The following GRIK4 variants were observed in gnomAD, a reference collection of about 807,000 sequenced individuals.
The protein encoded by GRIK4 is glutamate receptor ionotropic, kainate 4.
Under a neutral mutation model 104.9 loss-of-function variants are expected in GRIK4, and 40 were observed. The observed-to-expected ratio is 0.38, with a 90% CI of 0.30 to 0.50. GRIK4 has a LOEUF of 0.50. GRIK4 is among the 20% of genes least tolerant of loss of function. The pLI is 0.93. For synonymous variants in GRIK4, 485 were observed against 524.9 expected (o/e 0.92, Z 1.04); for missense variants, 1,047 against 1,308.1 (o/e 0.80, Z 3.08).
intron 1 of GRIK4, among the ~76,000 whole-genome samples, chr11:120,534,737 A>G (rs748079562): frequency 1.3e-5 from 2 of 152,168 alleles, no homozygotes; most frequent in Non-Finnish European, 2.9e-5. Context: ...GCAGAAGAGC[A>G]TTGGACAGGT....
chr11:120,839,165 T>G (rs12223620), intron 8 of GRIK4, among the ~76,000 whole-genome samples: 47,453 of 152,062 alleles, frequency 0.31, 8,634 homozygotes, highest in East Asian at 0.49. Flanking sequence ...TCCAGTCCCT[T>G]CTCCCCAATA....
chr11:120,652,501 C>T (rs2135220936), intron 1 of GRIK4, among the ~76,000 whole-genome samples: 1 of 152,354 alleles, frequency 6.6e-6, no homozygotes, highest in South Asian at 2.1e-4. Flanking sequence ...ACTCCCCTGT[C>T]ATGGCCACCC....
rs191798083 is a variant in GRIK4, at chr11:120,529,551, T to G, written c.-159+17664T>G. Among the ~76,000 whole-genome samples the G allele has an allele frequency of 7.2e-5, 11 of 152,330 alleles. No homozygotes were observed. The East Asian group carries it at 1.7e-3, about 24-fold the overall frequency. On this transcript the variant is annotated intron_variant, in intron 1 of 20. Transcript: ENST00000527524. ...CAGAGATGCAGCCTAATAGTGTCTCTTAGATGTCCTTGGATAGTCACACAT... is the reference window on the plus strand; with the variant it reads ...CAGAGATGCAGCCTAATAGTGTCTCGTAGATGTCCTTGGATAGTCACACAT...
chr11:120,787,142 A>G (rs1591913255), intron 3 of GRIK4, among the ~76,000 whole-genome samples: 1 of 135,930 alleles, frequency 7.4e-6, no homozygotes, highest in Admixed American at 7.1e-5. Flanking sequence ...ACATAGTAGG[A>G]CTCTTTTTTT....
intron 14 of GRIK4, among the ~76,000 whole-genome samples, chr11:120,948,268 A>T (rs555866038): frequency 6.6e-6 from 1 of 152,346 alleles, no homozygotes; most frequent in Admixed American, 6.5e-5. Context: ...ATAAATTGCC[A>T]TTTAGTTCTA....
intron 3 of GRIK4, among the ~76,000 whole-genome samples, chr11:120,705,342 C>A (rs1950611796): frequency 6.6e-6 from 1 of 151,858 alleles, no homozygotes; most frequent in Non-Finnish European, 1.5e-5. Context: ...TTTTCTGCCT[C>A]AGCCTCCCAG....
intron 8 of GRIK4, among the ~76,000 whole-genome samples, chr11:120,856,911 C>G (rs1283041074): frequency 2.0e-5 from 3 of 152,138 alleles, no homozygotes; most frequent in Non-Finnish European, 4.4e-5. Flanking sequence ...CTGCTTAGCC[C>G]AGCTGAACAT....
At position 120,987,919 on chromosome 11, in the gene GRIK4, ACCACCT is replaced by A. The variant is rs1312618196; in HGVS notation, c.*1671_*1676del. 6.5e-6 allele frequency: 1 copy of A among 152,930 alleles called. No homozygotes were observed. The highest frequency in any genetic ancestry group is 1.5e-5 in the Non-Finnish European group (1 of 68,126). 9.5% of individuals were successfully genotyped at this position (152,930 alleles called of 1,614,324 possible). On this transcript the variant is annotated 3_prime_UTR_variant, in exon 21 of 21. Coordinates refer to ENST00000527524, the MANE Select transcript of GRIK4 (RefSeq NM_014619.5). ...AGAGAGAAACAAACAGCCGCTACCAACCACCTCCACCTCCACCACCGCTGCCACCAC... is the reference window on the plus strand; with the variant it reads ...AGAGAGAAACAAACAGCCGCTACCAACCACCTCCACCACCGCTGCCACCAC...
At chr11:120,929,609 G>C (rs1943437089) in intron 13 of GRIK4, among the ~76,000 whole-genome samples, 1 of 152,214 alleles carries the variant, frequency 6.6e-6, no homozygotes, top group South Asian at 2.1e-4. Flanking sequence ...AAGCAGCTCC[G>C]TGGAGCCAGT....
At chr11:120,845,648 TCTACACA>T (rs1214596598) in intron 8 of GRIK4, among the ~76,000 whole-genome samples, 44 of 146,056 alleles carry the variant, frequency 3.0e-4, no homozygotes, top group African/African-American at 1.1e-3. Flanking sequence ...TATGCACACT[TCTACACA>T]CACACACACA....
intron 1 of GRIK4, among the ~76,000 whole-genome samples, chr11:120,611,598 A>G (rs1949038733): frequency 6.6e-6 from 1 of 152,110 alleles, no homozygotes; most frequent in African/African-American, 2.4e-5. Flanking sequence ...GTTCTTCAAG[A>G]TTCATTTTAG....
chr11:120,965,990 C>T (rs897303212), intron 18 of GRIK4, among the ~76,000 whole-genome samples: 1 of 152,214 alleles, frequency 6.6e-6, no homozygotes, highest in Non-Finnish European at 1.5e-5. Flanking sequence ...TTTCCAGCCT[C>T]TTGGCAGCTT....
intron 1 of GRIK4, among the ~76,000 whole-genome samples, chr11:120,623,933 C>A (rs79099875): frequency 6.6e-6 from 1 of 151,750 alleles, no homozygotes; most frequent in Non-Finnish European, 1.5e-5. Context: ...GTTCCTCCTC[C>A]TCCTCCTCTT....
intron 20 of GRIK4, among the ~76,000 whole-genome samples, chr11:120,984,002 G>T (rs552974408): frequency 4.6e-5 from 7 of 152,106 alleles, no homozygotes; most frequent in Non-Finnish European, 7.4e-5. Context: ...TTAACAATTG[G>T]GGGGTGTGAT....
chr11:120,830,187 GAAA>G (rs559392750), intron 6 of GRIK4, among the ~76,000 whole-genome samples: 3 of 112,788 alleles, frequency 2.7e-5, no homozygotes, highest in African/African-American at 6.3e-5. Flanking sequence ...TTCCTATGAA[GAAA>G]AAAAAAAAAA....
chr11:120,737,930 C>T (rs778470646), intron 3 of GRIK4, among the ~76,000 whole-genome samples: 2 of 151,894 alleles, frequency 1.3e-5, no homozygotes, highest in Non-Finnish European at 2.9e-5. Context: ...TTACAATAAA[C>T]AGGTAAAAAA....
At chr11:120,847,937 G>C (rs939402163) in intron 8 of GRIK4, among the ~76,000 whole-genome samples, 8 of 152,332 alleles carry the variant, frequency 5.3e-5, no homozygotes, top group Non-Finnish European at 8.8e-5. Flanking sequence ...ATGGAAACCA[G>C]AGCTTCCCTA....
At chr11:120,818,266 C>T (rs556334392) in intron 5 of GRIK4, among the ~76,000 whole-genome samples, 42 of 152,336 alleles carry the variant, frequency 2.8e-4, no homozygotes, top group African/African-American at 5.8e-4. Flanking sequence ...GGTGTTCAAA[C>T]GTTCAAACCA....
chr11:120,671,656 A>T (rs1358681827), intron 3 of GRIK4, among the ~76,000 whole-genome samples: 3 of 151,968 alleles, frequency 2.0e-5, no homozygotes, highest in African/African-American at 7.3e-5. Context: ...GATTGCAAAA[A>T]TTTTCTCCCA....
Sources: allele counts gnomAD v4.1 joint callset (sites outside exome capture counted in the v4.1 genomes callset), GRCh38; gene constraint gnomAD v4.1.1; transcripts MANE v1.5; gene names NCBI Gene and HGNC (gene_info 2026-07-23, HGNC 2026-07-21).